The following TMEM178B variants were observed in gnomAD, a reference collection of about 807,000 sequenced individuals.
TMEM178B encodes the protein transmembrane protein 178B.
TMEM178B carries 5 observed loss-of-function variants against 31.0 expected under a neutral mutation model. The observed-to-expected ratio is 0.16, with a 90% CI of 0.08 to 0.34. The LOEUF is 0.34. Among genes scored for constraint, TMEM178B ranks in the 10% least tolerant of loss-of-function variants. The probability of loss-of-function intolerance (pLI) is 1.00; values close to 1 mark genes in which losing one functional copy is unlikely to be tolerated. For missense variants in TMEM178B, 275 were observed against 400.3 expected (o/e 0.69, Z 2.67); for synonymous variants, 164 against 164.0 (o/e 1.00, Z 0.00).
At chr7:141,393,287 C>G (rs1248204330) in intron 2 of TMEM178B, among the ~76,000 whole-genome samples, 1 of 152,148 alleles carries the variant, frequency 6.6e-6, no homozygotes, top group Non-Finnish European at 1.5e-5. Context: ...AGTGTATTTA[C>G]TGAGAGACAA....
intron 1 of TMEM178B, among the ~76,000 whole-genome samples, chr7:141,097,584 G>A (rs1362099622): frequency 1.3e-5 from 2 of 151,806 alleles, no homozygotes; most frequent in South Asian, 2.1e-4. Context: ...AGTCCACCTT[G>A]ACCCATTTTG....
At position 141,478,669 on chromosome 7, in the gene TMEM178B, G is replaced by A. The variant is rs1014206537; in HGVS notation, c.*7883G>A. 2.0e-5 allele frequency: 3 copies of A among 152,114 alleles called. No homozygotes were observed. The highest frequency in any genetic ancestry group is 7.2e-5 in the African/African-American group (3 of 41,410). 9.4% of individuals were successfully genotyped at this position (152,114 alleles called of 1,614,324 possible). On this transcript the variant is annotated 3_prime_UTR_variant, in exon 4 of 4. Coordinates refer to ENST00000565468, the MANE Select transcript of TMEM178B (RefSeq NM_001195278.2). Reference sequence around the variant, plus strand: ...GCATGGAATCAATATAAAAATTACTGGGATATTTTACATTCTTTTTTCCAA... The same window carrying A: ...GCATGGAATCAATATAAAAATTACTAGGATATTTTACATTCTTTTTTCCAA...
Position 141,349,955 on chromosome 7 carries a change from GCATC to G in TMEM178B, c.497-87613_497-87610del, listed in dbSNP as rs60758674. On this transcript the variant is annotated intron_variant, in intron 2 of 3. Coordinates refer to ENST00000565468, the MANE Select transcript of TMEM178B (RefSeq NM_001195278.2). ...TCCATGCATCCATCCATGCATCCAT[GCATC>G]CATCCATCCATCCATCCATCCATCC... Among the ~76,000 whole-genome samples the G allele has an allele frequency of 3.9e-3, 586 of 150,222 alleles. 5 individuals are homozygous for G. The highest frequency in any genetic ancestry group is 0.017 in the Middle Eastern group (5 of 294).
intron 1 of TMEM178B, among the ~76,000 whole-genome samples, chr7:141,104,845 A>C (rs1795116057): frequency 6.6e-6 from 1 of 152,124 alleles, no homozygotes; most frequent in South Asian, 2.1e-4. Context: ...TGCTCCTTTA[A>C]TGACCTGGTT....
intron 1 of TMEM178B, among the ~76,000 whole-genome samples, chr7:141,116,347 G>A (rs1168875270): frequency 3.9e-5 from 6 of 152,146 alleles, no homozygotes; most frequent in Non-Finnish European, 1.5e-5. Flanking sequence ...CTCAGAGATG[G>A]AGGTGAAAGG....
At chr7:141,414,080 T>TATGGCTG (rs1586944675) in intron 2 of TMEM178B, among the ~76,000 whole-genome samples, 3 of 52,670 alleles carry the variant, frequency 5.7e-5, no homozygotes, top group South Asian at 5.8e-4. Context: ...ACATCATTTT[T>TATGGCTG]TTTTTTTTTT....
intron 2 of TMEM178B, among the ~76,000 whole-genome samples, chr7:141,308,590 A>T (rs1007018579): frequency 2.0e-5 from 3 of 152,150 alleles, no homozygotes; most frequent in Admixed American, 2.0e-4. Context: ...TAGAACCCCA[A>T]TATGTAAAAC....
chr7:141,161,147 G>T (rs569364070), intron 1 of TMEM178B, among the ~76,000 whole-genome samples: 5 of 152,296 alleles, frequency 3.3e-5, no homozygotes, highest in Non-Finnish European at 7.4e-5. Context: ...GAACCACTGC[G>T]CCCGGCCTGG....
intron 1 of TMEM178B, among the ~76,000 whole-genome samples, chr7:141,158,018 CTT>C (rs1016635157): frequency 1.3e-4 from 20 of 152,188 alleles, no homozygotes; most frequent in African/African-American, 4.8e-4. Context: ...GTCCCACTCT[CTT>C]TTGCTAACAG....
At chr7:141,161,304 TGAGGGAGCCACA>T (rs920654467) in intron 1 of TMEM178B, among the ~76,000 whole-genome samples, 2 of 152,008 alleles carry the variant, frequency 1.3e-5, no homozygotes, top group Admixed American at 1.3e-4. Flanking sequence ...GTGAGTGGTC[TGAGGGAGCCACA>T]GAGGGAGGGG....
In TMEM178B at chr7:141,318,517, T is replaced by G. The variant is rs1230133286; in HGVS notation, c.496+105813T>G. 1.3e-5 allele frequency among the ~76,000 whole-genome samples: 2 copies of G among 152,208 alleles called. No homozygotes were observed. Among genetic ancestry groups the G allele is most frequent in the Non-Finnish European group, 2.9e-5 (2 of 68,036 alleles). On this transcript the variant is annotated intron_variant, in intron 2 of 3. Coordinates refer to ENST00000565468, the MANE Select transcript of TMEM178B (RefSeq NM_001195278.2). This position sits in a 1 kb window ranked among gnomAD's most constrained non-coding sequence, Gnocchi z 4.1. ...TGATTTTAAAACTTTTCACTCACAC[T>G]AAGGTAAATACCATTTGTCACTCAA...
At chr7:141,252,113 C>T (rs1223670648) in intron 2 of TMEM178B, among the ~76,000 whole-genome samples, 1 of 152,158 alleles carries the variant, frequency 6.6e-6, no homozygotes, top group Non-Finnish European at 1.5e-5. Context: ...ACTAGAAGTA[C>T]TAATGAGACA....
chr7:141,371,809 C>T (rs1367100833), intron 2 of TMEM178B, among the ~76,000 whole-genome samples: 1 of 152,192 alleles, frequency 6.6e-6, no homozygotes, highest in Non-Finnish European at 1.5e-5. Context: ...AACCTCTCCT[C>T]CCCTTCTCCT....
chr7:141,324,416 GTTTTTTTTTTTTTTT>G (rs56316531), intron 2 of TMEM178B, among the ~76,000 whole-genome samples: 25 of 85,778 alleles, frequency 2.9e-4, no homozygotes, highest in African/African-American at 4.4e-4. Context: ...GGAGACCAGG[GTTTTTTTTTTTTTTT>G]TTTTTTTTTT....
chr7:141,394,319 A>G (rs1800598478), intron 2 of TMEM178B, among the ~76,000 whole-genome samples: 1 of 152,216 alleles, frequency 6.6e-6, no homozygotes, highest in Admixed American at 6.5e-5. Context: ...TGGGCCTAAA[A>G]GGGTTTGATT....
chr7:141,267,415 G>A (rs955786236), intron 2 of TMEM178B, among the ~76,000 whole-genome samples: 1 of 152,222 alleles, frequency 6.6e-6, no homozygotes, highest in African/African-American at 2.4e-5. Flanking sequence ...GCCAGTAGTG[G>A]GTTTGGAGGC....
intron 1 of TMEM178B, among the ~76,000 whole-genome samples, chr7:141,111,275 T>C (rs998848366): frequency 1.3e-5 from 2 of 152,146 alleles, no homozygotes; most frequent in African/African-American, 4.8e-5. Flanking sequence ...TGGGGCTTAT[T>C]CACTATCGCA....
Position 141,427,720 on chromosome 7 carries a change from A to G in TMEM178B, c.497-9888A>G, listed in dbSNP as rs149410022. ...AATCAACGAATGGGATCAAACTAAA[A>G]AGCTTCTGTACAGTAAAGGAAACCA... On this transcript the variant is annotated intron_variant, in intron 2 of 3. Transcript: ENST00000565468. Among the ~76,000 whole-genome samples the G allele has an allele frequency of 7.8e-4, 119 of 152,316 alleles. 3 individuals carry two copies. The East Asian group carries it at 0.021, about 27-fold the overall frequency.
intron 2 of TMEM178B, among the ~76,000 whole-genome samples, chr7:141,375,123 C>T (rs977773249): frequency 3.3e-5 from 5 of 152,222 alleles, no homozygotes; most frequent in Admixed American, 6.5e-5. Flanking sequence ...ACTTGATTTA[C>T]CGGATGATGG....
Sources: gnomAD v4.1 joint callset for allele counts (sites outside exome capture counted in the v4.1 genomes callset) on GRCh38, gnomAD v4.1.1 for gene constraint, Gnocchi (gnomAD v3.1) non-coding constraint, MANE v1.5 for transcripts, NCBI Gene and HGNC (gene_info 2026-07-23, HGNC 2026-07-21) for gene names.